Variants in SUPV3L1 observed in about 807,000 individuals in gnomAD.
The protein encoded by SUPV3L1 is Suv3 like RNA helicase, also known as ATP-dependent RNA helicase SUPV3L1, mitochondrial.
A neutral mutation model predicts 70.0 loss-of-function variants in SUPV3L1; 35 were observed. That is an observed-to-expected ratio of 0.50 (90% CI 0.38 to 0.66). The LOEUF (loss-of-function observed/expected upper bound fraction) is 0.66, where lower values mean the gene tolerates loss of function less well. Ranked by LOEUF, SUPV3L1 falls within the 30% of genes least tolerant of loss-of-function variation. The pLI is 0.00. For missense variants in SUPV3L1, 777 were observed against 961.5 expected (o/e 0.81, Z 2.54); for synonymous variants, 364 against 341.9 (o/e 1.06, Z -0.71).
Position 69,186,021 on chromosome 10 carries a change from G to A in SUPV3L1, c.306G>A (p.Lys102=), listed in dbSNP as rs755783784. The stretch of plus-strand genomic sequence containing the variant: ...AGAAGGTCTTAGACAAATTTTACAA[G>A]AGGAAAGAAATTCAGAAACTGGGTG... ...EVKKVLDKFY[K]RKEIQKLGAD... Residue 102 remains lysine, a synonymous_variant, in exon 2 of 15, where the codon AAG becomes AAA. Transcript: ENST00000359655. The A allele has an allele frequency of 6.2e-7, 1 of 1,613,836 alleles. No individual in the cohort carries two copies. Among genetic ancestry groups the A allele is most frequent in the South Asian group, 1.1e-5 (1 of 91,074 alleles).
intron 10 of SUPV3L1, among the ~76,000 whole-genome samples, chr10:69,199,866 A>G (rs1490896654): frequency 6.6e-6 from 1 of 152,052 alleles, no homozygotes; most frequent in Non-Finnish European, 1.5e-5. Flanking sequence ...TATTTCTGAG[A>G]CAGAGTCTCA....
intron 13 of SUPV3L1, among the ~76,000 whole-genome samples, chr10:69,203,593 G>A (rs948705571): frequency 2.7e-5 from 4 of 150,072 alleles, no homozygotes; most frequent in African/African-American, 9.8e-5. Context: ...AAACCAAGGA[G>A]GCAGAGGTTG....
At chr10:69,207,403 C>T (rs1212272608) in intron 13 of SUPV3L1, among the ~76,000 whole-genome samples, 2 of 152,166 alleles carry the variant, frequency 1.3e-5, no homozygotes, top group African/African-American at 4.8e-5. Context: ...GCCTTGACCT[C>T]CCTGGGCTCA....
intron 5 of SUPV3L1, 32 bp from the exon 6 acceptor site, chr10:69,191,623 C>CA (rs777792160): frequency 6.4e-7 from 1 of 1,566,762 alleles, no homozygotes; most frequent in South Asian, 1.1e-5. Flanking sequence ...GCATTATTTT[C>CA]AATAATTCTA....
At chr10:69,186,304 A>G (rs1451682924) in intron 2 of SUPV3L1, 139 bp from the exon 3 acceptor site, 4 of 726,518 alleles carry the variant, frequency 5.5e-6, no homozygotes, top group Admixed American at 2.9e-5. Context: ...AGCCCAGATC[A>G]TAATAAACCA....
rs551043893 is a variant in SUPV3L1, at chr10:69,201,838, C to T, written c.1519-601C>T. On this transcript the variant is annotated intron_variant, in intron 11 of 14. Transcript: ENST00000359655. ...ACAGGCATGAGCCACTGCACCTGGCCGTAAAATCTTTTTTTTTTTTTTAGA... is the reference window on the plus strand; with the variant it reads ...ACAGGCATGAGCCACTGCACCTGGCTGTAAAATCTTTTTTTTTTTTTTAGA... Among the ~76,000 whole-genome samples, 54 of 126,196 alleles carry T rather than the reference C, an allele frequency of 4.3e-4. No homozygotes were observed. In the South Asian group the frequency reaches 0.013, roughly 31 times the overall value. 82.8% of individuals were successfully genotyped at this position (126,196 alleles called of 152,430 possible).
At chr10:69,193,926 G>A (rs889723456) in intron 6 of SUPV3L1, among the ~76,000 whole-genome samples, 15 of 152,056 alleles carry the variant, frequency 9.9e-5, no homozygotes, top group Admixed American at 7.9e-4. Context: ...TTGCCATAGC[G>A]ATGGATTTAA....
intron 3 of SUPV3L1, 121 bp from the exon 4 acceptor site, chr10:69,187,521 A>T (rs1842265498): frequency 1.6e-6 from 1 of 618,296 alleles, no homozygotes; most frequent in Admixed American, 3.1e-5. Context: ...CCCAGAGAGG[A>T]CTTTTCTTTT....
chr10:69,188,203 C>A (rs1388607654), intron 4 of SUPV3L1, among the ~76,000 whole-genome samples: 2 of 152,172 alleles, frequency 1.3e-5, no homozygotes, highest in Non-Finnish European at 2.9e-5. Context: ...CAGCCCTTGG[C>A]CAGGAATTCG....
chr10:69,186,062 A>G lies in SUPV3L1; in HGVS notation c.347A>G (p.Asp116Gly). The G allele has an allele frequency of 1.2e-6, 2 of 1,613,604 alleles. No individual in the cohort carries two copies. Among genetic ancestry groups the G allele is most frequent in the Non-Finnish European group, 1.7e-6 (2 of 1,179,768 alleles). Residue 116 changes from aspartate to glycine, a missense_variant and splice_region_variant, in exon 2 of 15, where the codon GAT becomes GGT. Transcript: ENST00000359655. Reference sequence around the variant, plus strand: ...AAACTGGGTGCTGATTATGGACTTGATGGTAAGGCCCAAAACATCTTCATA... The same window carrying G: ...AAACTGGGTGCTGATTATGGACTTGGTGGTAAGGCCCAAAACATCTTCATA... ...IQKLGADYGL[D>G]ARLFHQAFIS...
At chr10:69,182,949 C>T (rs929691252) in intron 1 of SUPV3L1, among the ~76,000 whole-genome samples, 1 of 152,176 alleles carries the variant, frequency 6.6e-6, no homozygotes, top group Non-Finnish European at 1.5e-5. Context: ...TCTCTCTCCC[C>T]TCACTAATTC....
intron 13 of SUPV3L1, among the ~76,000 whole-genome samples, chr10:69,204,646 C>T (rs1842775711): frequency 2.0e-5 from 3 of 152,282 alleles, no homozygotes; most frequent in Non-Finnish European, 2.9e-5. Context: ...CAATCTTAGT[C>T]CTCTGAAATA....
intron 11 of SUPV3L1, among the ~76,000 whole-genome samples, chr10:69,201,079 T>C (rs914578428): frequency 6.6e-6 from 1 of 152,154 alleles, no homozygotes; most frequent in African/African-American, 2.4e-5. Context: ...AGTATAGACA[T>C]GAGATCATAC....
At chr10:69,191,242 T>TTTC (rs1842387274) in intron 5 of SUPV3L1, among the ~76,000 whole-genome samples, 1 of 150,600 alleles carries the variant, frequency 6.6e-6, no homozygotes, top group Non-Finnish European at 1.5e-5. Flanking sequence ...ATTTTTTTTT[T>TTTC]TTTTTTTTTG....
At chr10:69,197,568 T>TATA (rs1447957697) in intron 8 of SUPV3L1, among the ~76,000 whole-genome samples, 13 of 151,982 alleles carry the variant, frequency 8.6e-5, no homozygotes, top group African/African-American at 3.1e-4. Context: ...AATGAATTAT[T>TATA]ATTATTATTA....
At position 69,208,681 on chromosome 10, in the gene SUPV3L1, T is replaced by A; in HGVS notation, c.2007T>A (p.Gly669=). 1 of 1,614,202 alleles carries A rather than the reference T, an allele frequency of 6.2e-7. No homozygotes were observed. The highest frequency in any genetic ancestry group is 8.5e-7 in the Non-Finnish European group (1 of 1,180,036). The change falls in exon 15 of 15, where the codon GGT becomes GGA. Residue 669 remains glycine (G), a synonymous_variant. Coordinates refer to ENST00000359655, the MANE Select transcript of SUPV3L1 (RefSeq NM_003171.5). ...QKELDGIIQD[G]VHNITKLIKM... Reference sequence around the variant, plus strand: ...AACTAGATGGTATTATCCAAGATGGTGTGCACAATATCACTAAATTGATTA... The same window carrying A: ...AACTAGATGGTATTATCCAAGATGGAGTGCACAATATCACTAAATTGATTA...
At chr10:69,191,416 A>G (rs971183554) in intron 5 of SUPV3L1, among the ~76,000 whole-genome samples, 7 of 151,734 alleles carry the variant, frequency 4.6e-5, no homozygotes, top group African/African-American at 1.5e-4. Context: ...TTTGGTAGAG[A>G]TGGGATTTCA....
intron 1 of SUPV3L1, among the ~76,000 whole-genome samples, chr10:69,184,771 G>C (rs1252958195): frequency 6.6e-6 from 1 of 152,134 alleles, no homozygotes; most frequent in Non-Finnish European, 1.5e-5. Context: ...TTTCTTCAAT[G>C]AGTGTTGTGT....
At chr10:69,183,302 A>T (rs1451458360) in intron 1 of SUPV3L1, among the ~76,000 whole-genome samples, 1 of 152,170 alleles carries the variant, frequency 6.6e-6, no homozygotes, top group Non-Finnish European at 1.5e-5. Context: ...TTTTGACTGG[A>T]CTGCACATAT....
Sources: allele counts gnomAD v4.1 joint callset (sites outside exome capture counted in the v4.1 genomes callset), GRCh38; gene constraint gnomAD v4.1.1; transcripts MANE v1.5; gene names NCBI Gene and HGNC (gene_info 2026-07-23, HGNC 2026-07-21).